Variants in TRPM3 observed in about 807,000 individuals in gnomAD.
The protein encoded by TRPM3 is transient receptor potential cation channel subfamily M member 3.
TRPM3 carries 77 observed loss-of-function variants against 181.2 expected under a neutral mutation model. That is an observed-to-expected ratio of 0.42 (90% CI 0.35 to 0.51). The LOEUF (loss-of-function observed/expected upper bound fraction) is 0.51, where lower values mean the gene tolerates loss of function less well. TRPM3 is among the 20% of genes least tolerant of loss of function. The pLI is 0.01. For synonymous variants in TRPM3, 745 were observed against 796.4 expected (o/e 0.94, Z 1.09); for missense variants, 1,759 against 2,196.7 (o/e 0.80, Z 3.98).
At chr9:70,781,439 G>A (rs1220020031) in intron 7 of TRPM3, among the ~76,000 whole-genome samples, 2 of 151,730 alleles carry the variant, frequency 1.3e-5, no homozygotes, top group African/African-American at 4.8e-5. Flanking sequence ...ACACGGGGTT[G>A]ATCAGCTTGG....
At chr9:70,913,580 A>G (rs1346176903) in intron 1 of TRPM3, among the ~76,000 whole-genome samples, 1 of 152,244 alleles carries the variant, frequency 6.6e-6, no homozygotes, top group African/African-American at 2.4e-5. Context: ...AGGAAAAGAC[A>G]AAAACAACCA....
At chr9:70,636,802 C>T (rs2057285251) in intron 11 of TRPM3, among the ~76,000 whole-genome samples, 1 of 150,970 alleles carries the variant, frequency 6.6e-6, no homozygotes, top group African/African-American at 2.4e-5. Flanking sequence ...ATTCTCCTGT[C>T]TCAGCCTCTG....
In TRPM3 at chr9:71,085,820, A is replaced by G. The variant is rs78605869; in HGVS notation, c.177+35358T>C. On this transcript the variant is annotated intron_variant, in intron 1 of 25. Transcript: ENST00000677713. The stretch of plus-strand genomic sequence containing the variant: ...TCAAAGAACTTAAAATAGGACTACC[A>G]TTCAGCTCAGCAATTCCATTGCTGG... 2.9e-3 allele frequency among the ~76,000 whole-genome samples: 445 copies of G among 152,198 alleles called. 2 individuals are homozygous for G. Among genetic ancestry groups the G allele is most frequent in the African/African-American group, 0.01 (433 of 41,550 alleles).
intron 1 of TRPM3, among the ~76,000 whole-genome samples, chr9:71,353,000 C>T (rs1372459723): frequency 6.6e-6 from 1 of 152,104 alleles, no homozygotes; most frequent in Non-Finnish European, 1.5e-5. Context: ...TATCCAGGTC[C>T]CATCCCACAC....
intron 1 of TRPM3, among the ~76,000 whole-genome samples, chr9:71,425,374 C>T (rs890576748): frequency 9.2e-5 from 14 of 152,096 alleles, no homozygotes; most frequent in Non-Finnish European, 1.9e-4. Context: ...TCTTCCAAAG[C>T]CTATTTCTCC....
intron 1 of TRPM3, among the ~76,000 whole-genome samples, chr9:70,987,503 G>C (rs1165331416): frequency 6.6e-6 from 1 of 151,954 alleles, no homozygotes; most frequent in East Asian, 1.9e-4. Flanking sequence ...TTTTTCCTAA[G>C]GTCTCTAAAA....
Position 70,591,045 on chromosome 9 carries a change from G to A in TRPM3, c.3209C>T (p.Ala1070Val), listed in dbSNP as rs761405901. The A allele has an allele frequency of 1.1e-5, 18 of 1,614,122 alleles. No homozygotes were observed. The highest frequency in any genetic ancestry group is 1.6e-4 in the Middle Eastern group (1 of 6,062). The change falls in exon 22 of 26, where the codon GCG (alanine) becomes GTG (valine). Residue 1070 changes from alanine (A) to valine (V), a missense_variant. Around this residue, in one of 8 missense-constraint regions of TRPM3, gnomAD observed 94 missense variants for 221.3 expected, o/e 0.42. Coordinates refer to ENST00000677713, the MANE Select transcript of TRPM3 (RefSeq NM_001366145.2). ...AACTTGCTTACGGTCTATCTGGTCC[G>A]CAAACACTTCCCCATAAATCATCCA... ...PYWMIYGEVF[A>V]DQIDPPCGQN... is the part of the protein sequence containing the mutation.
chr9:70,776,854 T>C (rs2081454788), intron 7 of TRPM3, among the ~76,000 whole-genome samples: 1 of 152,178 alleles, frequency 6.6e-6, no homozygotes, highest in African/African-American at 2.4e-5. Flanking sequence ...ATCAGAGAAG[T>C]GTGGACCATA....
intron 1 of TRPM3, among the ~76,000 whole-genome samples, chr9:71,107,089 G>A (rs750850493): frequency 1.3e-5 from 2 of 152,074 alleles, no homozygotes; most frequent in Non-Finnish European, 2.9e-5. Flanking sequence ...TGTAAACTAG[G>A]CAGACTGTTA....
chr9:70,784,450 A>T (rs1011293250), intron 6 of TRPM3, among the ~76,000 whole-genome samples, 171 bp from the exon 7 acceptor site: 4 of 152,196 alleles, frequency 2.6e-5, no homozygotes, highest in Non-Finnish European at 5.9e-5. Flanking sequence ...AAAACCCTTC[A>T]GCCAAATTTT....
At chr9:71,031,278 G>C (rs1015753561) in intron 1 of TRPM3, among the ~76,000 whole-genome samples, 4 of 152,152 alleles carry the variant, frequency 2.6e-5, no homozygotes, top group African/African-American at 9.7e-5. Context: ...AGACCAACAT[G>C]GTCTCTGCCC....
At chr9:70,895,173 T>C (rs910132145) in intron 1 of TRPM3, among the ~76,000 whole-genome samples, 4 of 152,228 alleles carry the variant, frequency 2.6e-5, no homozygotes, top group Non-Finnish European at 4.4e-5. Flanking sequence ...GGATCCAGGT[T>C]CTGAAAACAG....
Position 70,959,606 on chromosome 9 carries a change from T to C in TRPM3, c.178-95095A>G, listed in dbSNP as rs367803642. 4.1e-3 allele frequency among the ~76,000 whole-genome samples: 622 copies of C among 152,226 alleles called. 7 individuals are homozygous for C. Among genetic ancestry groups the C allele is most frequent in the African/African-American group, 0.014 (576 of 41,542 alleles). ...AGGTAAACACAATTAAGAAAGAAAA[T>C]AGCAAGTTGTTAAAAGCACAGCTGA... On this transcript the variant is annotated intron_variant, in intron 1 of 25. Coordinates refer to ENST00000677713, the MANE Select transcript of TRPM3 (RefSeq NM_001366145.2).
intron 1 of TRPM3, among the ~76,000 whole-genome samples, chr9:71,295,095 T>C (rs1441554762): frequency 6.6e-6 from 1 of 152,212 alleles, no homozygotes; most frequent in Non-Finnish European, 1.5e-5. Flanking sequence ...TTCTTTATGC[T>C]CTTGTTACAC....
At chr9:70,665,521 G>A (rs1028013360) in intron 9 of TRPM3, among the ~76,000 whole-genome samples, 20 of 152,144 alleles carry the variant, frequency 1.3e-4, no homozygotes, top group African/African-American at 3.6e-4. Context: ...AAATAGACAC[G>A]TTCTCTTTAT....
Position 71,322,131 on chromosome 9 carries a change from T to C in TRPM3, c.183+124522A>G, listed in dbSNP as rs149994550. On this transcript the variant is annotated intron_variant, in intron 1 of 24. Transcript: ENST00000357533. Reference sequence around the variant, plus strand: ...TTTTGGTTGTATAGACAACTTGGATTTTGTGTTACAATCCAAGTACAGACA... The same window carrying C: ...TTTTGGTTGTATAGACAACTTGGATCTTGTGTTACAATCCAAGTACAGACA... 3.4e-4 allele frequency among the ~76,000 whole-genome samples: 52 copies of C among 152,208 alleles called. 1 individual carries two copies. In the East Asian group the frequency reaches 9.8e-3, roughly 29 times the overall value.
intron 1 of TRPM3, among the ~76,000 whole-genome samples, chr9:71,006,471 C>T (rs1218991148): frequency 6.6e-6 from 1 of 151,622 alleles, no homozygotes; most frequent in African/African-American, 2.4e-5. Flanking sequence ...TATAATGATA[C>T]ACACATATTG....
intron 1 of TRPM3, among the ~76,000 whole-genome samples, chr9:71,350,438 G>C (rs912187974): frequency 1.3e-4 from 20 of 152,122 alleles, no homozygotes; most frequent in Admixed American, 1.3e-3. Flanking sequence ...AAAATCTCTA[G>C]TTGTCGTCTG....
At chr9:70,698,698 G>A (rs571600993) in intron 8 of TRPM3, among the ~76,000 whole-genome samples, 7 of 152,228 alleles carry the variant, frequency 4.6e-5, no homozygotes, top group South Asian at 4.1e-4. Context: ...TGATTGGATC[G>A]TGGGGGCAGA....
Sources: gnomAD v4.1 joint callset for allele counts (sites outside exome capture counted in the v4.1 genomes callset) on GRCh38, gnomAD v4.1.1 for gene constraint, gnomAD v4.1.1 regional missense constraint, MANE v1.5 for transcripts, NCBI Gene and HGNC (gene_info 2026-07-23, HGNC 2026-07-21) for gene names.